Variants in ANKRD17 observed in about 807,000 individuals in gnomAD.
ANKRD17 encodes ankyrin repeat domain 17.
In ANKRD17, 19 loss-of-function variants were observed where a neutral mutation model predicts 229.7. The ratio of observed to expected loss-of-function variants is 0.08; its 90% confidence interval spans 0.06 to 0.12. The LOEUF (loss-of-function observed/expected upper bound fraction) is 0.12. ANKRD17 is among the 10% of genes least tolerant of loss of function. The probability of loss-of-function intolerance (pLI) is 1.00; values close to 1 mark genes in which losing one functional copy is unlikely to be tolerated. For synonymous variants in ANKRD17, 1,112 were observed against 1,146.1 expected, an observed-to-expected ratio of 0.97 and a Z score of 0.60; for missense variants, 2,176 against 3,176.8, an observed-to-expected ratio of 0.68 and a Z score of 7.57.
chr4:73,243,335 CAGG>C (rs1744212641), intron 1 of ANKRD17, among the ~76,000 whole-genome samples: 1 of 152,056 alleles, frequency 6.6e-6, no homozygotes, highest in Non-Finnish European at 1.5e-5. Context: ...GAGAAAAAGC[CAGG>C]AGATCAAATT....
At chr4:73,144,185 T>C (rs1729950161) in intron 11 of ANKRD17, among the ~76,000 whole-genome samples, 1 of 152,210 alleles carries the variant, frequency 6.6e-6, no homozygotes, top group South Asian at 2.1e-4. Context: ...AAAGTAATAA[T>C]ATACTCCCTT....
intron 24 of ANKRD17, among the ~76,000 whole-genome samples, chr4:73,104,862 G>A (rs1724426551): frequency 6.6e-6 from 1 of 152,132 alleles, no homozygotes. Context: ...GGGGGTGGTA[G>A]GTTTGGGTAG....
In ANKRD17 at chr4:73,255,270, A is replaced by AT. The variant is rs568870364; in HGVS notation, c.393+3005dup. Among the ~76,000 whole-genome samples, 260 of 152,178 alleles carry AT rather than the reference A, an allele frequency of 1.7e-3. 1 individual carries two copies. Among genetic ancestry groups the AT allele is most frequent in the African/African-American group, 6.0e-3 (248 of 41,532 alleles). On this transcript the variant is annotated intron_variant, in intron 1 of 33. Coordinates refer to ENST00000358602, the MANE Select transcript of ANKRD17 (RefSeq NM_032217.5). ...TTTGAATTGATTCTCGTTTCCTTCC[A>AT]TTTTTCCTCTTTTGGCAGATACAGA...
intron 30 of ANKRD17, chr4:73,080,685 T>A (rs1721473135): frequency 6.6e-6 from 1 of 152,156 alleles, no homozygotes; most frequent in Non-Finnish European, 1.5e-5. Flanking sequence ...AACAAATGAA[T>A]CCTGCTTTCC....
rs1392042516 is a variant in ANKRD17, at chr4:73,086,937, T to A, written c.6962-1491A>T. ...AAAAAAAAATATATATATATATATA[T>A]ATATATATATATATATCTGTAGGAT... On this transcript the variant is annotated intron_variant, in intron 29 of 33. Transcript: ENST00000358602. 3.5e-4 allele frequency among the ~76,000 whole-genome samples: 27 copies of A among 78,056 alleles called. 1 individual carries two copies. Among genetic ancestry groups the A allele is most frequent in the South Asian group, 1.5e-3 (3 of 1,966 alleles). The allele number at this position is 78,056 out of a possible 152,430, so 51.2% of individuals were successfully genotyped here. A position where few individuals can be genotyped will look rare whatever the true frequency, so the allele number is the denominator to read the frequency against.
chr4:73,126,036 A>G (rs976569459), intron 16 of ANKRD17, among the ~76,000 whole-genome samples: 3 of 152,198 alleles, frequency 2.0e-5, no homozygotes, highest in Non-Finnish European at 2.9e-5. Context: ...GATTAGCCCA[A>G]CTTACTGCCT....
intron 1 of ANKRD17, among the ~76,000 whole-genome samples, chr4:73,190,415 T>C (rs932293632): frequency 6.6e-6 from 1 of 151,876 alleles, no homozygotes; most frequent in Non-Finnish European, 1.5e-5. Context: ...AGATATATAT[T>C]ATTGTAGAAG....
chr4:73,245,530 A>G (rs542551955), intron 1 of ANKRD17, among the ~76,000 whole-genome samples: 31 of 152,158 alleles, frequency 2.0e-4, no homozygotes, highest in Non-Finnish European at 3.8e-4. Flanking sequence ...GCCTAAGCCC[A>G]TGGATTCCAC....
intron 5 of ANKRD17, among the ~76,000 whole-genome samples, chr4:73,154,981 C>T (rs1205937677): frequency 2.0e-5 from 3 of 148,874 alleles, no homozygotes; most frequent in Admixed American, 6.7e-5. Flanking sequence ...GCGGAGCTTG[C>T]AGTGAGCCGA....
chr4:73,220,791 C>T (rs541353542), intron 1 of ANKRD17, among the ~76,000 whole-genome samples: 29 of 152,168 alleles, frequency 1.9e-4, no homozygotes, highest in South Asian at 8.3e-4. Flanking sequence ...GTGAAAATTA[C>T]GGTAATGAAC....
In ANKRD17 at chr4:73,142,667, A is replaced by G; in HGVS notation, c.2058T>C (p.His686=). 1 of 1,614,054 alleles carries G rather than the reference A, an allele frequency of 6.2e-7. No individual in the cohort carries two copies. The highest frequency in any genetic ancestry group is 8.5e-7 in the Non-Finnish European group (1 of 1,179,932). Residue 686 remains histidine, a synonymous_variant, in exon 12 of 34, where the codon CAT becomes CAC. Transcript: ENST00000358602. Reference sequence around the variant, plus strand: ...TCAAACGGTGAGTAGGATCTGCCCCATGAGCCAAAAGTAGTTCCACCACTG... The same window carrying G: ...TCAAACGGTGAGTAGGATCTGCCCCGTGAGCCAAAAGTAGTTCCACCACTG... The part of the protein sequence containing the change: ...HLAVVELLLA[H]GADPTHRLKD...
chr4:73,229,375 C>T (rs1188464990), intron 1 of ANKRD17, among the ~76,000 whole-genome samples: 68 of 152,096 alleles, frequency 4.5e-4, no homozygotes, highest in Admixed American at 4.4e-3. Context: ...CTGCCTGCTT[C>T]CCTACAAATA....
intron 24 of ANKRD17, among the ~76,000 whole-genome samples, chr4:73,111,746 A>G (rs1332325819): frequency 1.3e-5 from 2 of 152,212 alleles, no homozygotes; most frequent in African/African-American, 4.8e-5. Context: ...AAGAGAGGGG[A>G]AAGCAAGTAT....
At chr4:73,215,022 T>C (rs2149177072) in intron 1 of ANKRD17, among the ~76,000 whole-genome samples, 1 of 152,274 alleles carries the variant, frequency 6.6e-6, no homozygotes, top group East Asian at 1.9e-4. Context: ...TAGCCAACTT[T>C]TTTTCATAGA....
In ANKRD17 at chr4:73,105,612, C is replaced by A. The variant is rs181700574; in HGVS notation, c.4402-3065G>T. Among the ~76,000 whole-genome samples the A allele has an allele frequency of 2.4e-3, 365 of 151,650 alleles. 3 individuals carry two copies. Among genetic ancestry groups the A allele is most frequent in the South Asian group, 5.0e-3 (24 of 4,816 alleles). On this transcript the variant is annotated intron_variant, in intron 24 of 33. Transcript: ENST00000358602. ...GCGTGCTTTGTGAACTGAAAAGAAA[C>A]AAAAAATAAAATTTAAAAAAAAGAA...
At chr4:73,206,628 TAGA>T (rs1423616829) in intron 1 of ANKRD17, among the ~76,000 whole-genome samples, 1 of 152,158 alleles carries the variant, frequency 6.6e-6, no homozygotes, top group East Asian at 1.9e-4. Flanking sequence ...GCTGAATTCA[TAGA>T]AGCAGTGAGT....
intron 1 of ANKRD17, among the ~76,000 whole-genome samples, chr4:73,208,371 A>G (rs1739798089): frequency 6.6e-6 from 1 of 152,198 alleles, no homozygotes; most frequent in Non-Finnish European, 1.5e-5. Context: ...AACTAAAATT[A>G]AGAGTACAGT....
At chr4:73,078,322 AGC>A (rs1721207691) in intron 31 of ANKRD17, among the ~76,000 whole-genome samples, 2 of 152,106 alleles carry the variant, frequency 1.3e-5, no homozygotes, top group Admixed American at 1.3e-4. Flanking sequence ...GCTTGCAGTG[AGC>A]AGAGATTGTG....
chr4:73,163,364 G>A (rs1028142369), intron 2 of ANKRD17, among the ~76,000 whole-genome samples: 11 of 152,150 alleles, frequency 7.2e-5, no homozygotes, highest in Non-Finnish European at 1.2e-4. Flanking sequence ...CTGAATAGAA[G>A]CACTGCTATC....
Sources: gnomAD v4.1 joint callset for allele counts (sites outside exome capture counted in the v4.1 genomes callset) on GRCh38, gnomAD v4.1.1 for gene constraint, MANE v1.5 for transcripts, NCBI Gene and HGNC (gene_info 2026-07-23, HGNC 2026-07-21) for gene names.